TBC1D19: variants seen among roughly 807,000 people sequenced by gnomAD.
The protein encoded by TBC1D19 is TBC1 domain family member 19.
A neutral mutation model predicts 89.0 loss-of-function variants in TBC1D19; 60 were observed. That is an observed-to-expected ratio of 0.67 (90% CI 0.55 to 0.84). TBC1D19 has a LOEUF of 0.84. Ranked by LOEUF, TBC1D19 falls within the 40% of genes least tolerant of loss-of-function variation. TBC1D19 has a pLI of 0.00. For missense variants in TBC1D19, 500 were observed against 610.8 expected, an observed-to-expected ratio of 0.82 and a Z score of 1.91; for synonymous variants, 189 against 199.7, an observed-to-expected ratio of 0.95 and a Z score of 0.45.
intron 16 of TBC1D19, among the ~76,000 whole-genome samples, chr4:26,739,500 G>T (rs1718226395): frequency 6.6e-6 from 1 of 151,920 alleles, no homozygotes; most frequent in Non-Finnish European, 1.5e-5. Flanking sequence ...AAAATAAGCT[G>T]CCTGGTTGTT....
At chr4:26,764,263 A>G in the TBC1D19 span, among the ~76,000 whole-genome samples, 1 of 152,178 alleles carries the variant, frequency 6.6e-6, no homozygotes, top group African/African-American at 2.4e-5. Context: ...TATGACAGTG[A>G]GCATTTAAAG....
At chr4:26,793,967 T>G in the TBC1D19 span, among the ~76,000 whole-genome samples, 3 of 152,160 alleles carry the variant, frequency 2.0e-5, no homozygotes, top group Admixed American at 2.0e-4. Flanking sequence ...GACCATTGGC[T>G]GATCCCAGAC....
At chr4:26,592,431 G>C (rs1330560961) in intron 1 of TBC1D19, among the ~76,000 whole-genome samples, 1 of 152,176 alleles carries the variant, frequency 6.6e-6, no homozygotes, top group Non-Finnish European at 1.5e-5. Flanking sequence ...ACTGGCACAA[G>C]ACAGGATGCC....
intron 9 of TBC1D19, 59 bp downstream of exon 9, chr4:26,666,464 T>C: frequency 7.1e-7 from 1 of 1,404,086 alleles, no homozygotes; most frequent in Non-Finnish European, 9.8e-7. Context: ...CTAAGGTTTA[T>C]ATTGCTATTT....
At chr4:26,841,917 G>C in the TBC1D19 span, among the ~76,000 whole-genome samples, 14 of 152,236 alleles carry the variant, frequency 9.2e-5, no homozygotes, top group East Asian at 2.5e-3. Context: ...AAGATGAACA[G>C]TAAAATTCAT....
At chr4:26,743,364 G>A (rs920847019) in intron 18 of TBC1D19, among the ~76,000 whole-genome samples, 1 of 152,080 alleles carries the variant, frequency 6.6e-6, no homozygotes, top group Non-Finnish European at 1.5e-5. Flanking sequence ...TGAATCCATA[G>A]CAAATAGATA....
At chr4:26,798,827 G>A in the TBC1D19 span, among the ~76,000 whole-genome samples, 1 of 151,950 alleles carries the variant, frequency 6.6e-6, no homozygotes. Flanking sequence ...CTAAACAATG[G>A]ATTCATATAA....
At chr4:26,625,772 G>GT (rs943169072) in intron 4 of TBC1D19, among the ~76,000 whole-genome samples, 1 of 152,086 alleles carries the variant, frequency 6.6e-6, no homozygotes, top group African/African-American at 2.4e-5. Flanking sequence ...GGGATTGTGG[G>GT]TTTTTTGGAG....
chr4:26,674,587 T>A (rs1291357268), intron 11 of TBC1D19, among the ~76,000 whole-genome samples: 1 of 152,074 alleles, frequency 6.6e-6, no homozygotes. Flanking sequence ...TTTGGAATCA[T>A]ACAGACCTGA....
At chr4:26,639,602 A>G (rs1743358386) in intron 6 of TBC1D19, among the ~76,000 whole-genome samples, 2 of 152,210 alleles carry the variant, frequency 1.3e-5, no homozygotes. Flanking sequence ...TATAAAATGA[A>G]TAACAACTAT....
chr4:26,682,014 A>G (rs1423137877), intron 11 of TBC1D19, among the ~76,000 whole-genome samples: 3 of 152,358 alleles, frequency 2.0e-5, no homozygotes, highest in Admixed American at 2.0e-4. Flanking sequence ...GGACAGTTGA[A>G]TGGAAGGAAA....
At chr4:26,708,233 C>G (rs1001460119) in intron 13 of TBC1D19, among the ~76,000 whole-genome samples, 4 of 152,040 alleles carry the variant, frequency 2.6e-5, no homozygotes, top group Non-Finnish European at 4.4e-5. Context: ...GGACAGTTTG[C>G]TGGATATGGC....
chr4:26,625,292 T>G (rs1371139583), intron 4 of TBC1D19, among the ~76,000 whole-genome samples: 1 of 152,184 alleles, frequency 6.6e-6, no homozygotes, highest in Non-Finnish European at 1.5e-5. Flanking sequence ...AAATGGTTCC[T>G]TGGACAAGGA....
chr4:26,815,900 AG>A, the TBC1D19 span, among the ~76,000 whole-genome samples: 1 of 152,220 alleles, frequency 6.6e-6, no homozygotes, highest in Non-Finnish European at 1.5e-5. Context: ...GTTCTAGTTC[AG>A]GAACACTCCT....
chr4:26,619,143 T>C (rs1359379228), intron 3 of TBC1D19, among the ~76,000 whole-genome samples: 1 of 152,208 alleles, frequency 6.6e-6, no homozygotes, highest in Non-Finnish European at 1.5e-5. Flanking sequence ...TGGATATGTT[T>C]CTTTGATCAT....
the TBC1D19 span, among the ~76,000 whole-genome samples, chr4:26,774,527 T>G: frequency 4.6e-5 from 7 of 152,234 alleles, no homozygotes; most frequent in African/African-American, 1.4e-4. Context: ...TGAACATCTC[T>G]TGTCAGAATT....
In TBC1D19 at chr4:26,753,910, A is replaced by G. The variant is rs759525216; in HGVS notation, c.1506+20A>G. The G allele has an allele frequency of 3.1e-6, 5 of 1,613,288 alleles. No individual in the cohort carries two copies. Among genetic ancestry groups the G allele is most frequent in the Non-Finnish European group, 4.2e-6 (5 of 1,179,472 alleles). The stretch of plus-strand genomic sequence containing the variant: ...GCTGAAGTAAGGATAAGTTTCACTC[A>G]GATGGGATGGAAATAGTTTCTGAGA... On this transcript the variant is annotated intron_variant, in intron 20 of 20. Transcript: ENST00000264866.
chr4:26,761,023 G>A (rs115427014), downstream of TBC1D19, among the ~76,000 whole-genome samples: 3,394 of 152,166 alleles, frequency 0.022, 62 homozygotes, highest in Middle Eastern at 0.061. Flanking sequence ...CTGATTATGT[G>A]TATGGGCTGG....
chr4:26,656,984 TCTTCTTCTC>T (rs1252646876), intron 7 of TBC1D19, among the ~76,000 whole-genome samples: 13 of 119,334 alleles, frequency 1.1e-4, no homozygotes, highest in Admixed American at 6.1e-4. Context: ...TTCTTCTTCT[TCTTCTTCTC>T]CTTCTCCTTC....
Sources: gnomAD v4.1 joint callset for allele counts (sites outside exome capture counted in the v4.1 genomes callset) on GRCh38, gnomAD v4.1.1 for gene constraint, MANE v1.5 for transcripts, NCBI Gene and HGNC (gene_info 2026-07-23, HGNC 2026-07-21) for gene names.